NXPE2: variants seen among roughly 807,000 people sequenced by gnomAD.
NXPE2 encodes NXPE family member 2.
Under a neutral mutation model 34.4 loss-of-function variants are expected in NXPE2, and 34 were observed. The ratio of observed to expected loss-of-function variants is 0.99; its 90% CI spans 0.75 to 1.31. The LOEUF is 1.31. Among genes scored for constraint, NXPE2 ranks in the 40% most tolerant of loss-of-function variants. NXPE2 has a pLI of 0.00. For synonymous variants in NXPE2, 235 were observed against 231.3 expected, an observed-to-expected ratio of 1.02 and a Z score of -0.15; for missense variants, 649 against 672.5, an observed-to-expected ratio of 0.97 and a Z score of 0.39.
intron 2 of NXPE2, 110 bp downstream of exon 2, chr11:114,679,872 G>A (rs1352423151): frequency 4.7e-6 from 3 of 639,178 alleles, no homozygotes; most frequent in African/African-American, 3.6e-5. Context: ...ATCTTAGCAG[G>A]AGAATGTGGA....
At chr11:114,498,688 T>C in the NXPE2 span, among the ~76,000 whole-genome samples, 13 of 152,152 alleles carry the variant, frequency 8.5e-5, no homozygotes, top group African/African-American at 3.1e-4. Context: ...ATTTTAATAT[T>C]GCTTTCATTT....
chr11:114,681,418 C>T (rs1591426027), intron 2 of NXPE2, among the ~76,000 whole-genome samples: 1 of 152,102 alleles, frequency 6.6e-6, no homozygotes, highest in East Asian at 1.9e-4. Context: ...ATGTGTATGG[C>T]CCAAATGCCT....
the NXPE2 span, among the ~76,000 whole-genome samples, chr11:114,536,001 A>T: frequency 3.3e-5 from 5 of 152,144 alleles, no homozygotes; most frequent in Admixed American, 1.3e-4. Flanking sequence ...ACCACACCAA[A>T]CCTATTCCAA....
the NXPE2 span, among the ~76,000 whole-genome samples, chr11:114,809,971 C>T: frequency 2.4e-3 from 359 of 151,058 alleles, 1 homozygote; most frequent in African/African-American, 7.0e-3. Flanking sequence ...CAAAACAGCA[C>T]GGTACTAGTA....
the NXPE2 span, among the ~76,000 whole-genome samples, chr11:114,811,154 G>C: frequency 7.5e-6 from 1 of 133,842 alleles, no homozygotes; most frequent in Non-Finnish European, 1.6e-5. Flanking sequence ...ATGGACACAG[G>C]AAGGGGAACA....
chr11:114,631,871 C>G, the NXPE2 span, among the ~76,000 whole-genome samples: 3 of 150,878 alleles, frequency 2.0e-5, no homozygotes, highest in Non-Finnish European at 2.9e-5. Flanking sequence ...CGTGGGTAAC[C>G]GCTGTTACCC....
At chr11:114,712,700 A>G in the NXPE2 span, among the ~76,000 whole-genome samples, 4 of 152,202 alleles carry the variant, frequency 2.6e-5, no homozygotes, top group African/African-American at 9.6e-5. Flanking sequence ...TACATACCGA[A>G]AAACAGTACG....
At chr11:114,529,649 A>G in the NXPE2 span, 1 of 158,972 alleles carries the variant, frequency 6.3e-6, no homozygotes, top group East Asian at 1.9e-4. Context: ...ATATCTGATC[A>G]TGGGATCAAC....
At chr11:114,577,180 A>ATATAT in the NXPE2 span, among the ~76,000 whole-genome samples, 1 of 147,196 alleles carries the variant, frequency 6.8e-6, no homozygotes, top group African/African-American at 2.5e-5. Flanking sequence ...ATATATATAT[A>ATATAT]AAATGTTATA....
the NXPE2 span, among the ~76,000 whole-genome samples, chr11:114,714,061 G>A: frequency 6.6e-6 from 1 of 152,170 alleles, no homozygotes; most frequent in African/African-American, 2.4e-5. Context: ...TTCACATTAT[G>A]TGCTATTGAC....
the NXPE2 span, among the ~76,000 whole-genome samples, chr11:114,592,099 C>T: frequency 1.3e-5 from 2 of 152,282 alleles, no homozygotes; most frequent in African/African-American, 4.8e-5. Context: ...CAAAAGCCTT[C>T]TGAGATCTGG....
At chr11:114,502,295 A>T in the NXPE2 span, among the ~76,000 whole-genome samples, 2 of 152,192 alleles carry the variant, frequency 1.3e-5, no homozygotes, top group African/African-American at 4.8e-5. Context: ...ATTCTTAATT[A>T]TCTTTTCAAA....
chr11:114,733,200 C>T, the NXPE2 span, among the ~76,000 whole-genome samples: 1 of 152,128 alleles, frequency 6.6e-6, no homozygotes, highest in Non-Finnish European at 1.5e-5. Flanking sequence ...GGATTCACGC[C>T]ATTCTGTCTC....
the NXPE2 span, among the ~76,000 whole-genome samples, chr11:114,640,998 T>C: frequency 2.6e-5 from 4 of 151,984 alleles, no homozygotes; most frequent in East Asian, 1.9e-4. Context: ...ATCAACATCA[T>C]TGGAGAATGA....
At chr11:114,787,362 T>C in the NXPE2 span, among the ~76,000 whole-genome samples, 1 of 152,152 alleles carries the variant, frequency 6.6e-6, no homozygotes, top group Non-Finnish European at 1.5e-5. Flanking sequence ...TGCAGTTCCC[T>C]CCTCTGTGGC....
chr11:114,703,110 G>A (rs1200794542), intron 3 of NXPE2, among the ~76,000 whole-genome samples: 1 of 152,148 alleles, frequency 6.6e-6, no homozygotes, highest in Non-Finnish European at 1.5e-5. Flanking sequence ...ATTCCTATCT[G>A]AGGGAGATAA....
At chr11:114,466,644 A>G in the NXPE2 span, among the ~76,000 whole-genome samples, 3 of 151,402 alleles carry the variant, frequency 2.0e-5, no homozygotes, top group Admixed American at 2.0e-4. Context: ...TTTTTGGTTT[A>G]TTTTTTCAAA....
At chr11:114,639,831 T>TTATATTAAATATAAAATATAATA in the NXPE2 span, among the ~76,000 whole-genome samples, 11,448 of 107,808 alleles carry the variant, frequency 0.11, 1,099 homozygotes, top group East Asian at 0.32. Context: ...ATAATATATA[T>TTATATTAAATATAAAATATAATA]TATATTAAAT....
At chr11:114,666,134 T>C in the NXPE2 span, among the ~76,000 whole-genome samples, 2 of 152,160 alleles carry the variant, frequency 1.3e-5, no homozygotes, top group Non-Finnish European at 2.9e-5. Context: ...AGCCATGCCA[T>C]CCTTTCCACT....
Sources: allele counts gnomAD v4.1 joint callset (sites outside exome capture counted in the v4.1 genomes callset), GRCh38; gene constraint gnomAD v4.1.1; transcripts MANE v1.5; gene names NCBI Gene and HGNC (gene_info 2026-07-23, HGNC 2026-07-21).